ABL1: variants seen among roughly 807,000 people sequenced by gnomAD.
The protein encoded by ABL1 is ABL proto-oncogene 1, non-receptor tyrosine kinase.
In ABL1, 11 loss-of-function variants were observed where a neutral mutation model predicts 94.7. That is an observed-to-expected ratio of 0.12 (90% CI 0.07 to 0.19). The LOEUF is 0.19. ABL1 is among the 10% of genes least tolerant of loss of function. The probability of loss-of-function intolerance (pLI) is 1.00; values close to 1 mark genes in which losing one functional copy is unlikely to be tolerated. For missense variants in ABL1, 1,082 were observed against 1,489.4 expected (o/e 0.73, Z 4.50); for synonymous variants, 656 against 622.4 (o/e 1.05, Z -0.80).
Position 130,729,115 on chromosome 9 carries a change from C to T in ABL1, c.136+14660C>T, listed in dbSNP as rs1028650618. Reference sequence around the variant, plus strand: ...TGGGTTTATCCTTGGTCCAGACACCCGGCCCTTAGAATAGAGGGTACTCTT... The same window carrying T: ...TGGGTTTATCCTTGGTCCAGACACCTGGCCCTTAGAATAGAGGGTACTCTT... On this transcript the variant is annotated intron_variant, in intron 1 of 10. Transcript: ENST00000372348. 9.2e-5 allele frequency among the ~76,000 whole-genome samples: 14 copies of T among 152,106 alleles called. No individual in the cohort carries two copies. The South Asian group carries it at 1.9e-3, about 20-fold the overall frequency.
intron 1 of ABL1, among the ~76,000 whole-genome samples, chr9:130,798,750 C>T (rs184758775): frequency 2.3e-3 from 350 of 151,928 alleles, no homozygotes; most frequent in African/African-American, 7.9e-3. Flanking sequence ...GGGTGGATCA[C>T]GAGGTCAGGA....
At chr9:130,865,237 C>T (rs960983987) in intron 4 of ABL1, among the ~76,000 whole-genome samples, 7 of 152,182 alleles carry the variant, frequency 4.6e-5, no homozygotes, top group African/African-American at 9.7e-5. Context: ...GATGTCATTG[C>T]GTGGATTTCT....
Position 130,874,919 on chromosome 9 carries a change from A to G in ABL1, c.1137A>G (p.Val379=), listed in dbSNP as rs765993191. 92 of 1,614,016 alleles carry G rather than the reference A, an allele frequency of 5.7e-5. No individual in the cohort carries two copies. The South Asian group carries it at 9.4e-4, about 17-fold the overall frequency. Residue 379 remains valine, a synonymous_variant, in exon 7 of 11, where the codon GTA becomes GTG. Transcript: ENST00000318560. ...TAGGGGAGAACCACTTGGTGAAGGT[A>G]GCTGATTTTGGCCTGAGCAGGTTGA... The part of the protein sequence containing the change: ...CLVGENHLVK[V]ADFGLSRLMT...
In ABL1 at chr9:130,853,387, G is replaced by A. The variant is rs140409599; in HGVS notation, c.80-677G>A. 2.1e-3 allele frequency among the ~76,000 whole-genome samples: 310 copies of A among 150,226 alleles called. 2 individuals are homozygous for A. The highest frequency in any genetic ancestry group is 7.3e-3 in the African/African-American group (299 of 40,818). On this transcript the variant is annotated intron_variant, in intron 1 of 10. Coordinates refer to ENST00000318560, the MANE Select transcript of ABL1 (RefSeq NM_005157.6). ...GACAGGATTTCACTGTGTTGGTCAG[G>A]TTGGTCTTGAACTCCTGACCTCATG...
intron 4 of ABL1, among the ~76,000 whole-genome samples, chr9:130,868,580 G>A (rs1391984745): frequency 2.1e-5 from 3 of 141,242 alleles, no homozygotes; most frequent in African/African-American, 8.1e-5. Flanking sequence ...CTGGAGTGCA[G>A]TGGCATGATC....
chr9:130,851,908 G>C (rs901098264), intron 1 of ABL1, among the ~76,000 whole-genome samples: 1 of 150,684 alleles, frequency 6.6e-6, no homozygotes, highest in African/African-American at 2.4e-5. Context: ...TGGGATTACA[G>C]GTACCCGCCA....
At chr9:130,744,578 C>T (rs570791900) in intron 1 of ABL1, among the ~76,000 whole-genome samples, 6 of 151,046 alleles carry the variant, frequency 4.0e-5, no homozygotes, top group African/African-American at 1.5e-4. Flanking sequence ...TCTGGCCAGG[C>T]GCAGTGGCTC....
At chr9:130,752,934 G>C (rs1831984423) in intron 1 of ABL1, among the ~76,000 whole-genome samples, 2 of 149,260 alleles carry the variant, frequency 1.3e-5, no homozygotes. Context: ...ACTCCAGCCT[G>C]GGTTACAAAG....
At chr9:130,875,930 C>T (rs988033000) in intron 7 of ABL1, among the ~76,000 whole-genome samples, 4 of 152,130 alleles carry the variant, frequency 2.6e-5, no homozygotes, top group Non-Finnish European at 5.9e-5. Context: ...TGGTTTCAAG[C>T]GATTCTCCTG....
chr9:130,825,088 C>A (rs957618160), intron 1 of ABL1, among the ~76,000 whole-genome samples: 1 of 152,148 alleles, frequency 6.6e-6, no homozygotes, highest in Non-Finnish European at 1.5e-5. Flanking sequence ...TTACCAAGAA[C>A]TTTGCTGTCA....
Position 130,853,132 on chromosome 9 carries a change from G to T in ABL1, c.80-932G>T, listed in dbSNP as rs1345289377. Among the ~76,000 whole-genome samples, 14 of 134,174 alleles carry T rather than the reference G, an allele frequency of 1.0e-4. No individual in the cohort carries two copies. In the South Asian group the frequency reaches 3.4e-3, roughly 33 times the overall value. The allele number at this position is 134,174 out of a possible 152,430, so 88.0% of individuals were successfully genotyped here. A position where few individuals can be genotyped will look rare whatever the true frequency, so the allele number is the denominator to read the frequency against. On this transcript the variant is annotated intron_variant, in intron 1 of 10. Transcript: ENST00000318560. ...GAGAGGACTGGGATAGAAAGTATTT[G>T]TCTTTCATTTTAAGCCCTTCTGTAC...
At chr9:130,758,320 C>T (rs908457395) in intron 1 of ABL1, among the ~76,000 whole-genome samples, 1 of 151,840 alleles carries the variant, frequency 6.6e-6, no homozygotes, top group Non-Finnish European at 1.5e-5. Context: ...ACTACCACGT[C>T]TGGCTAATTT....
At chr9:130,811,910 T>TAAA in intron 1 of ABL1, among the ~76,000 whole-genome samples, 1 of 33,166 alleles carries the variant, frequency 3.0e-5, no homozygotes, top group Non-Finnish European at 5.1e-5. Context: ...AGACTCCGTC[T>TAAA]CAAAAAAAAA....
intron 1 of ABL1, among the ~76,000 whole-genome samples, chr9:130,740,998 A>G (rs1331443080): frequency 6.6e-6 from 1 of 152,060 alleles, no homozygotes; most frequent in Non-Finnish European, 1.5e-5. Flanking sequence ...GCTTAATGCC[A>G]TCTAACACGA....
At chr9:130,717,239 C>T (rs1831454230) in intron 1 of ABL1, among the ~76,000 whole-genome samples, 1 of 152,028 alleles carries the variant, frequency 6.6e-6, no homozygotes, top group Non-Finnish European at 1.5e-5. Context: ...GATGGAGTTT[C>T]ACCATGTTAG....
At chr9:130,788,620 A>T (rs1288256918) in intron 1 of ABL1, among the ~76,000 whole-genome samples, 1 of 152,208 alleles carries the variant, frequency 6.6e-6, no homozygotes, top group Non-Finnish European at 1.5e-5. Context: ...GGATTGCATT[A>T]ATTTGTCATG....
intron 1 of ABL1, among the ~76,000 whole-genome samples, chr9:130,781,780 TG>T (rs1829759156): frequency 6.6e-6 from 1 of 152,274 alleles, no homozygotes; most frequent in African/African-American, 2.4e-5. Context: ...CATCTAAATC[TG>T]TATTTTTTTT....
upstream of ABL1, among the ~76,000 whole-genome samples, chr9:130,833,587 T>C (rs1340684018): frequency 1.3e-5 from 2 of 152,210 alleles, no homozygotes; most frequent in Non-Finnish European, 2.9e-5. Context: ...TCCCTGATGG[T>C]GCCCTCTTGG....
Position 130,872,560 on chromosome 9 carries a change from CA to C in ABL1, c.908-299del, listed in dbSNP as rs1351798946. 2.0e-5 allele frequency among the ~76,000 whole-genome samples: 3 copies of C among 152,224 alleles called. No individual in the cohort carries two copies. Among genetic ancestry groups the C allele is most frequent in the African/African-American group, 7.2e-5 (3 of 41,458 alleles). ...CACATAACCATCAGACCTAACCATTCAGGGGTAAACTGACGGTGGTGAAGGT... is the reference window on the plus strand; with the variant it reads ...CACATAACCATCAGACCTAACCATTCGGGGTAAACTGACGGTGGTGAAGGT... On this transcript the variant is annotated intron_variant, in intron 5 of 10. Coordinates refer to ENST00000318560, the MANE Select transcript of ABL1 (RefSeq NM_005157.6). This position sits in a 1 kb window ranked among gnomAD's most constrained non-coding sequence, Gnocchi z 5.0.
Sources: allele counts gnomAD v4.1 joint callset (sites outside exome capture counted in the v4.1 genomes callset), GRCh38; gene constraint gnomAD v4.1.1; non-coding constraint Gnocchi (gnomAD v3.1); transcripts MANE v1.5; gene names NCBI Gene and HGNC (gene_info 2026-07-23, HGNC 2026-07-21).